MTAP: variants seen among roughly 807,000 people sequenced by gnomAD.
The protein encoded by MTAP is S-methyl-5'-thioadenosine phosphorylase.
MTAP carries 33 observed loss-of-function variants against 33.6 expected under a neutral mutation model. The ratio of observed to expected loss-of-function variants is 0.98; its 90% CI spans 0.74 to 1.31. MTAP has a LOEUF of 1.31. Among genes scored for constraint, MTAP ranks in the 40% most tolerant of loss-of-function variants. The pLI is 0.00. For synonymous variants in MTAP, 148 were observed against 125.7 expected, an observed-to-expected ratio of 1.18 and a Z score of -1.19; for missense variants, 367 against 360.0, an observed-to-expected ratio of 1.02 and a Z score of -0.16.
chr9:21,911,138 T>G (rs986669715), intron 1 of MTAP, among the ~76,000 whole-genome samples: 3 of 152,128 alleles, frequency 2.0e-5, no homozygotes, highest in Admixed American at 6.5e-5. Context: ...AAGCAAGTCC[T>G]TAGAGACCTA....
intron 1 of MTAP, among the ~76,000 whole-genome samples, chr9:21,894,638 C>G (rs1233825605): frequency 6.6e-6 from 1 of 151,232 alleles, no homozygotes; most frequent in East Asian, 2.0e-4. Flanking sequence ...GGAGTTATAC[C>G]TAATGTAAAT....
At chr9:21,928,307 AG>A (rs1474994459) in intron 1 of MTAP, among the ~76,000 whole-genome samples, 2 of 152,214 alleles carry the variant, frequency 1.3e-5, no homozygotes, top group African/African-American at 4.8e-5. Context: ...ATTATTCAAT[AG>A]GTTTGTCAAG....
intron 1 of MTAP, among the ~76,000 whole-genome samples, chr9:21,916,874 CA>C (rs1309972658): frequency 1.3e-5 from 2 of 152,106 alleles, no homozygotes; most frequent in African/African-American, 4.8e-5. Context: ...CCCCAACTTG[CA>C]GTACTTTGTT....
intron 1 of MTAP, among the ~76,000 whole-genome samples, chr9:21,902,160 G>T (rs923745837): frequency 1.3e-5 from 2 of 152,174 alleles, no homozygotes; most frequent in African/African-American, 4.8e-5. Context: ...GAGGCTCAAG[G>T]CTAAGCCACT....
intron 1 of MTAP, among the ~76,000 whole-genome samples, chr9:21,923,107 C>G (rs1354308151): frequency 2.6e-5 from 4 of 152,198 alleles, no homozygotes; most frequent in Admixed American, 6.5e-5. Flanking sequence ...ACGTTAAACA[C>G]ACACTCCCTG....
Position 21,863,848 on chromosome 9 carries a change from C to T in MTAP, c.*1834C>T. ...CTGCTAATTGTAAACAAAACAGTTA[C>T]CCTCCAGTATTAATATGACTCATTA... On this transcript the variant is annotated 3_prime_UTR_variant, in exon 8 of 8. Transcript: ENST00000644715. 2 of 985,714 alleles carry T rather than the reference C, an allele frequency of 2.0e-6. No homozygotes were observed. Among genetic ancestry groups the T allele is most frequent in the Non-Finnish European group, 2.4e-6 (2 of 829,898 alleles). 61.1% of individuals were successfully genotyped at this position (985,714 alleles called of 1,614,324 possible).
At chr9:21,897,642 GA>G (rs1818318360) in intron 1 of MTAP, among the ~76,000 whole-genome samples, 1 of 152,186 alleles carries the variant, frequency 6.6e-6, no homozygotes, top group South Asian at 2.1e-4. Flanking sequence ...TTGCTTCAAA[GA>G]GAATAAAATA....
intron 1 of MTAP, among the ~76,000 whole-genome samples, chr9:21,890,984 T>A (rs1385471457): frequency 1.3e-5 from 2 of 152,162 alleles, no homozygotes; most frequent in African/African-American, 4.8e-5. Flanking sequence ...TTTTCCCCAA[T>A]ATTTTGCATT....
intron 1 of MTAP, among the ~76,000 whole-genome samples, chr9:21,928,460 C>T (rs981658609): frequency 6.6e-6 from 1 of 152,086 alleles, no homozygotes; most frequent in African/African-American, 2.4e-5. Context: ...GGTGTAAGTA[C>T]CTCTTGGTCT....
At chr9:21,813,367 C>T (rs1824399383) in intron 1 of MTAP, among the ~76,000 whole-genome samples, 1 of 152,174 alleles carries the variant, frequency 6.6e-6, no homozygotes, top group Admixed American at 6.5e-5. Context: ...CTTTCATGTC[C>T]AGGGCTACTA....
chr9:21,847,544 G>T (rs994244497), intron 5 of MTAP, among the ~76,000 whole-genome samples: 2 of 152,144 alleles, frequency 1.3e-5, no homozygotes, highest in African/African-American at 4.8e-5. Context: ...TTCATCACTC[G>T]TGAGAGGCAA....
intron 1 of MTAP, among the ~76,000 whole-genome samples, chr9:21,903,617 T>G (rs766255268): frequency 2.0e-5 from 3 of 152,188 alleles, no homozygotes; most frequent in Non-Finnish European, 2.9e-5. Flanking sequence ...AAGACAATCC[T>G]TTTCAGCTTC....
intron 4 of MTAP, among the ~76,000 whole-genome samples, chr9:21,837,608 C>G (rs1396555377): frequency 2.0e-5 from 3 of 152,198 alleles, no homozygotes; most frequent in Non-Finnish European, 2.9e-5. Flanking sequence ...TCTTACCTGG[C>G]CTTTCTGAGC....
chr9:21,915,280 A>G (rs1818670107), intron 1 of MTAP, among the ~76,000 whole-genome samples: 1 of 151,314 alleles, frequency 6.6e-6, no homozygotes, highest in African/African-American at 2.4e-5. Context: ...TTTAGTAGAG[A>G]TGGGGTTTCA....
At chr9:21,898,613 C>A (rs1046475030) in intron 1 of MTAP, among the ~76,000 whole-genome samples, 3 of 152,124 alleles carry the variant, frequency 2.0e-5, no homozygotes, top group Admixed American at 1.3e-4. Flanking sequence ...ATTTATGCAG[C>A]CAACAGACAC....
intron 4 of MTAP, among the ~76,000 whole-genome samples, chr9:21,835,490 A>G (rs1054606072): frequency 2.6e-5 from 4 of 152,318 alleles, no homozygotes; most frequent in Admixed American, 2.6e-4. Context: ...ATATTTCTAT[A>G]TTGAAATATG....
In MTAP at chr9:21,862,635, T is replaced by A. The variant is rs968648439; in HGVS notation, c.*621T>A. The A allele has an allele frequency of 4.6e-5, 7 of 152,246 alleles. No individual in the cohort carries two copies. Among genetic ancestry groups the A allele is most frequent in the African/African-American group, 1.7e-4 (7 of 41,452 alleles). 9.4% of individuals were successfully genotyped at this position (152,246 alleles called of 1,614,324 possible). ...TTGGAGGTAAATTATGTCTTAGTTA[T>A]AATTAGATTGTGAATCAGCCAACTG... On this transcript the variant is annotated 3_prime_UTR_variant, in exon 8 of 8. Coordinates refer to ENST00000644715, the MANE Select transcript of MTAP (RefSeq NM_002451.4).
At chr9:21,816,664 T>C (rs1036894868) in intron 2 of MTAP, 50 bp from the exon 3 acceptor site, 6 of 1,514,062 alleles carry the variant, frequency 4.0e-6, no homozygotes, top group Non-Finnish European at 5.5e-6. Context: ...ATAATTTACA[T>C]ACCTGTTTTT....
At position 21,931,082 on chromosome 9, in the gene MTAP, A is replaced by T. The variant is rs534904828; in HGVS notation, c.222A>T (p.Gly74=). 5 of 764,112 alleles carry T rather than the reference A, an allele frequency of 6.5e-6. No homozygotes were observed. The South Asian group carries it at 6.7e-5, about 10-fold the overall frequency. The allele number at this position is 764,112 out of a possible 1,614,324, so 47.3% of individuals were successfully genotyped here. ...TTCAAGAGTCACCCTTCTACAGAGG[A>T]CTCCTAGACTTCCCATCAGTGGGAC... is the stretch of plus-strand genomic sequence containing the variant. Residue 74 remains glycine (G), a synonymous_variant, in exon 2 of 2, where the codon GGA becomes GGT. Transcript: ENST00000577563.
Sources: gnomAD v4.1 joint callset for allele counts (sites outside exome capture counted in the v4.1 genomes callset) on GRCh38, gnomAD v4.1.1 for gene constraint, MANE v1.5 for transcripts, NCBI Gene and HGNC (gene_info 2026-07-23, HGNC 2026-07-21) for gene names.